Variants in CKAP5 observed in about 807,000 individuals in gnomAD.
CKAP5 encodes the protein cytoskeleton associated protein 5, also known as cytoskeleton-associated protein 5.
In CKAP5, 27 loss-of-function variants were observed where a neutral mutation model predicts 232.8. That is an observed-to-expected ratio of 0.12 (90% CI 0.09 to 0.16). The LOEUF is 0.16. Among genes scored for constraint, CKAP5 ranks in the 10% least tolerant of loss-of-function variants. CKAP5 has a pLI of 1.00. For missense variants in CKAP5, 1,838 were observed against 2,424.7 expected, an observed-to-expected ratio of 0.76 and a Z score of 5.08; for synonymous variants, 785 against 841.1, an observed-to-expected ratio of 0.93 and a Z score of 1.16.
chr11:46,755,025 A>G lies in CKAP5; in HGVS notation c.4732T>C (p.Ser1578Pro). ...ATCAGAAACTGATCAATATGGCCGG[A>G]CATGGCTTCAGCTTTGTCTTCCTGT... ...LRQEDKAEAM[S>P]GHIDQFLIAT... Residue 1578 changes from serine to proline, a missense_variant, in exon 36 of 44, where the codon TCC (serine) becomes CCC (proline). This residue lies in a region of CKAP5 where 579 missense variants were observed against 843.2 expected (regional missense o/e 0.69). Transcript: ENST00000529230. The G allele has an allele frequency of 6.2e-7, 1 of 1,613,648 alleles. No individual in the cohort carries two copies. Among genetic ancestry groups the G allele is most frequent in the Non-Finnish European group, 8.5e-7 (1 of 1,179,844 alleles).
chr11:46,806,518 A>G (rs1939159184), intron 8 of CKAP5, among the ~76,000 whole-genome samples: 3 of 152,032 alleles, frequency 2.0e-5, no homozygotes, highest in Admixed American at 2.0e-4. Flanking sequence ...CTTTCCTCCC[A>G]GGTTCCAGGT....
Position 46,763,622 on chromosome 11 carries a change from C to T in CKAP5, c.3546G>A (p.Lys1182=). The change falls in exon 29 of 44, where the codon AAG becomes AAA. Residue 1182 remains lysine (K), a synonymous_variant. Coordinates refer to ENST00000529230, the MANE Select transcript of CKAP5 (RefSeq NM_001008938.4). ...MKDEKGLKVL[K]WNFTTPRDEY... is the part of the protein sequence containing the mutation. ...CATCCCGTGGGGTAGTAAAATTCCA[C>T]TTTAGCACCTGGAAAAAACAAACGG... 6.5e-7 allele frequency: 1 copy of T among 1,541,708 alleles called. No individual in the cohort carries two copies. The highest frequency in any genetic ancestry group is 8.7e-7 in the Non-Finnish European group (1 of 1,144,910).
At chr11:46,809,975 C>CTT in intron 5 of CKAP5, 101 bp from the exon 6 acceptor site, 80 of 1,012,672 alleles carry the variant, frequency 7.9e-5, no homozygotes, top group Non-Finnish European at 9.1e-5. Context: ...CAATTTCTTT[C>CTT]TTTTTTTTTT....
In CKAP5 at chr11:46,778,150, T is replaced by A. The variant is rs1217310458; in HGVS notation, c.2737A>T (p.Asn913Tyr). The A allele has an allele frequency of 6.2e-7, 1 of 1,613,508 alleles. No homozygotes were observed. Among genetic ancestry groups the A allele is most frequent in the Admixed American group, 1.7e-5 (1 of 59,922 alleles). The change falls in exon 22 of 44, where the codon AAT becomes TAT. Residue 913 changes from asparagine to tyrosine, a missense_variant. Coordinates refer to ENST00000529230, the MANE Select transcript of CKAP5 (RefSeq NM_001008938.4). ...TATGCTCTACATACCAAGATTTTAT[T>A]TGAATCATTGAGTCGACCCTTCAAG... ...TALKGRLNDS[N>Y]KILVQQTLNI...
intron 8 of CKAP5, among the ~76,000 whole-genome samples, chr11:46,805,366 A>C (rs1181329772): frequency 6.6e-6 from 1 of 152,228 alleles, no homozygotes; most frequent in Non-Finnish European, 1.5e-5. Flanking sequence ...GAATATCATA[A>C]GAAATTTTAA....
intron 1 of CKAP5, among the ~76,000 whole-genome samples, chr11:46,827,592 C>T (rs1486574446): frequency 2.0e-5 from 3 of 152,048 alleles, no homozygotes; most frequent in Admixed American, 2.0e-4. Context: ...CAGCACTCCA[C>T]CCTGAACAAC....
chr11:46,759,156 C>G (rs1592437786), intron 34 of CKAP5, 113 bp from the exon 35 acceptor site: 4 of 1,502,538 alleles, frequency 2.7e-6, no homozygotes, highest in Non-Finnish European at 3.6e-6. Context: ...TGCTATCATT[C>G]AAAAAATAAT....
In CKAP5 at chr11:46,793,188, A is replaced by G. The variant is rs141251180; in HGVS notation, c.1650+2406T>C. Among the ~76,000 whole-genome samples the G allele has an allele frequency of 2.8e-3, 419 of 152,346 alleles. 2 individuals are homozygous for G. Among genetic ancestry groups the G allele is most frequent in the African/African-American group, 9.5e-3 (397 of 41,574 alleles). ...CACAAACTCCCTGAGTCTTAGTTTC[A>G]TTTTTTGGAAAAACAAGGATAATGA... is the stretch of plus-strand genomic sequence containing the variant. On this transcript the variant is annotated intron_variant, in intron 13 of 43. Transcript: ENST00000529230.
intron 1 of CKAP5, among the ~76,000 whole-genome samples, chr11:46,824,274 A>G (rs1939605465): frequency 6.6e-6 from 1 of 152,236 alleles, no homozygotes; most frequent in Non-Finnish European, 1.5e-5. Flanking sequence ...TAGGATTGCC[A>G]TGAAACAGCA....
intron 4 of CKAP5, among the ~76,000 whole-genome samples, chr11:46,812,042 G>A (rs1450700874): frequency 6.6e-6 from 1 of 152,064 alleles, no homozygotes; most frequent in African/African-American, 2.4e-5. Context: ...CTTTCAAAAA[G>A]CATATTTGGC....
At chr11:46,783,507 A>T (rs1425667635) in intron 17 of CKAP5, 139 bp from the exon 18 acceptor site, 1 of 575,110 alleles carries the variant, frequency 1.7e-6, no homozygotes, top group African/African-American at 1.9e-5. Context: ...ACAAGAGTGA[A>T]CCTACACAAG....
At position 46,754,924 on chromosome 11, in the gene CKAP5, G is replaced by T; in HGVS notation, c.4833C>A (p.Ile1611=). Reference sequence around the variant, plus strand: ...TGCCAATGATACAGCTATACAACTTGATGATCTCGTCCTTCTCCAATTTCT... The same window carrying T: ...TGCCAATGATACAGCTATACAACTTTATGATCTCGTCCTTCTCCAATTTCT... The part of the protein sequence containing the change: ...ADEKLEKDEI[I]KLYSCIIGNM... Residue 1611 remains isoleucine, a synonymous_variant, in exon 36 of 44, where the codon ATC becomes ATA. Transcript: ENST00000529230. The T allele has an allele frequency of 6.2e-7, 1 of 1,613,766 alleles. No individual in the cohort carries two copies. The highest frequency in any genetic ancestry group is 1.1e-5 in the South Asian group (1 of 90,976).
At chr11:46,825,924 ATC>A (rs1462019227) in intron 1 of CKAP5, among the ~76,000 whole-genome samples, 2 of 152,142 alleles carry the variant, frequency 1.3e-5, no homozygotes, top group Non-Finnish European at 2.9e-5. Context: ...ACAAAATCCC[ATC>A]TCTGAGTAGC....
chr11:46,795,489 G>C (rs1938849674), intron 13 of CKAP5, 105 bp downstream of exon 13: 1 of 843,180 alleles, frequency 1.2e-6, no homozygotes. Flanking sequence ...TTTTTAATGT[G>C]GCCAATGAAT....
intron 35 of CKAP5, 82 bp from the exon 36 acceptor site, chr11:46,755,149 A>G (rs2065101072): frequency 4.4e-6 from 4 of 908,674 alleles, no homozygotes; most frequent in Non-Finnish European, 6.3e-6. Context: ...ACTTCTCCAT[A>G]AGAATATTTA....
intron 37 of CKAP5, chr11:46,753,076 A>C (rs1422623883): frequency 2.2e-6 from 1 of 454,638 alleles, no homozygotes; most frequent in Non-Finnish European, 3.9e-6. Context: ...CTATGGTCTC[A>C]GGCTAAAATA....
intron 1 of CKAP5, among the ~76,000 whole-genome samples, chr11:46,825,860 A>T (rs950812151): frequency 3.3e-5 from 5 of 152,188 alleles, no homozygotes; most frequent in Non-Finnish European, 7.3e-5. Context: ...GAAACACAAC[A>T]ACTATGTAAC....
intron 1 of CKAP5, among the ~76,000 whole-genome samples, chr11:46,829,220 C>T (rs1053866735): frequency 6.6e-6 from 1 of 152,188 alleles, no homozygotes; most frequent in South Asian, 2.1e-4. Context: ...GACAGCAAGA[C>T]CAACCCCTCC....
intron 17 of CKAP5, 63 bp from the exon 18 acceptor site, chr11:46,783,431 A>G (rs966453619): frequency 9.8e-7 from 1 of 1,025,276 alleles, no homozygotes; most frequent in Non-Finnish European, 1.5e-6. Context: ...ATACAGCATG[A>G]CATTAAGGCA....
Sources: gnomAD v4.1 joint callset for allele counts (sites outside exome capture counted in the v4.1 genomes callset) on GRCh38, gnomAD v4.1.1 for gene constraint, gnomAD v4.1.1 regional missense constraint, MANE v1.5 for transcripts, NCBI Gene and HGNC (gene_info 2026-07-23, HGNC 2026-07-21) for gene names.